TRERF1: variants seen among roughly 807,000 people sequenced by gnomAD.
The protein encoded by TRERF1 is transcriptional-regulating factor 1.
In TRERF1, 27 loss-of-function variants were observed where a neutral mutation model predicts 122.9. The ratio of observed to expected loss-of-function variants is 0.22; its 90% confidence interval spans 0.16 to 0.30. The LOEUF (loss-of-function observed/expected upper bound fraction) is 0.30, where lower values mean the gene tolerates loss of function less well. Ranked by LOEUF, TRERF1 falls within the 10% of genes least tolerant of loss-of-function variation. TRERF1 has a pLI of 1.00. For missense variants in TRERF1, 1,248 were observed against 1,560.3 expected, an observed-to-expected ratio of 0.80 and a Z score of 3.37; for synonymous variants, 636 against 641.7, an observed-to-expected ratio of 0.99 and a Z score of 0.13.
In TRERF1 at chr6:42,296,756, G is replaced by A. The variant is rs1785177431; in HGVS notation, c.-259+3882C>T. Among the ~76,000 whole-genome samples the A allele has an allele frequency of 2.0e-5, 3 of 152,292 alleles. 1 individual carries two copies. In the South Asian group the frequency reaches 6.2e-4, roughly 32 times the overall value. On this transcript the variant is annotated intron_variant, in intron 4 of 17. Transcript: ENST00000372922. ...AAAGAGGCAGAGGGAAGGGAAGAAG[G>A]TGAGAAGGAGAGAGTAGCATAAGGA...
At chr6:42,254,524 T>C (rs1014636645) in intron 13 of TRERF1, among the ~76,000 whole-genome samples, 2 of 152,200 alleles carry the variant, frequency 1.3e-5, no homozygotes, top group Admixed American at 6.5e-5. Flanking sequence ...TCTAAACCCA[T>C]GGCTACTGAT....
At chr6:42,380,485 C>T (rs1285236835) in intron 2 of TRERF1, among the ~76,000 whole-genome samples, 1 of 152,256 alleles carries the variant, frequency 6.6e-6, no homozygotes, top group Non-Finnish European at 1.5e-5. Flanking sequence ...AAACCCTTCC[C>T]TTCTCTGGAC....
chr6:42,344,958 C>T (rs987555676), intron 3 of TRERF1, among the ~76,000 whole-genome samples: 2 of 152,112 alleles, frequency 1.3e-5, no homozygotes, highest in African/African-American at 4.8e-5. Context: ...TCTTCAGCAC[C>T]CAGGACAGTG....
chr6:42,268,832 G>C lies in TRERF1; in HGVS notation c.759C>G (p.Ala253=). The change falls in exon 5 of 18, where the codon GCC becomes GCG. Residue 253 remains alanine, a synonymous_variant. Coordinates refer to ENST00000372922, the Ensembl canonical transcript of TRERF1. This position sits in a 1 kb window ranked among gnomAD's most constrained non-coding sequence, Gnocchi z 4.4. The stretch of plus-strand genomic sequence containing the variant: ...GCATGTGCTGTGACAGCATCTGTGG[G>C]GCCTGCAGTGGCTGTCCTCCCTGCA... The C allele has an allele frequency of 6.2e-7, 1 of 1,614,144 alleles. No individual in the cohort carries two copies. The highest frequency in any genetic ancestry group is 8.5e-7 in the Non-Finnish European group (1 of 1,180,016).
intron 2 of TRERF1, among the ~76,000 whole-genome samples, chr6:42,407,129 C>T (rs557523609): frequency 6.6e-5 from 10 of 152,280 alleles, no homozygotes; most frequent in South Asian, 6.2e-4. Flanking sequence ...AAGTGGCTGG[C>T]CTCCTTTCCT....
Position 42,366,271 on chromosome 6 carries a change from G to A in TRERF1, c.-453-3192C>T, listed in dbSNP as rs73430818. ...AATGAATCGTGTATTGACAATGCTT[G>A]CAACTGCCCGCTGCTCAACACAGTG... On this transcript the variant is annotated intron_variant, in intron 2 of 17. Coordinates refer to ENST00000372922, the Ensembl canonical transcript of TRERF1. Among the ~76,000 whole-genome samples the A allele has an allele frequency of 8.0e-3, 1,226 of 152,320 alleles. 21 individuals carry two copies. The highest frequency in any genetic ancestry group is 0.028 in the African/African-American group (1,154 of 41,558).
chr6:42,347,387 G>C (rs1768498216), intron 3 of TRERF1, among the ~76,000 whole-genome samples: 1 of 152,208 alleles, frequency 6.6e-6, no homozygotes, highest in African/African-American at 2.4e-5. Context: ...CACAATCTAT[G>C]CCTTCCAAGA....
At chr6:42,248,132 T>C (rs1775122781) in intron 13 of TRERF1, among the ~76,000 whole-genome samples, 1 of 152,138 alleles carries the variant, frequency 6.6e-6, no homozygotes, top group Admixed American at 6.5e-5. Flanking sequence ...GGGGCCTCCT[T>C]AGACCACAGG....
rs553910067 is a variant in TRERF1, at chr6:42,257,688, C to G, written c.2336+447G>C. Among the ~76,000 whole-genome samples the G allele has an allele frequency of 7.9e-5, 12 of 152,328 alleles. No individual in the cohort carries two copies. The Middle Eastern group carries it at 0.01, about 130-fold the overall frequency. ...ACCTGGCCTCTTTTCTGTGCCTATC[C>G]ATGAAAATAACCACCTTTGCCTCTC... On this transcript the variant is annotated intron_variant, in intron 10 of 17. Coordinates refer to ENST00000372922, the Ensembl canonical transcript of TRERF1.
intron 3 of TRERF1, among the ~76,000 whole-genome samples, chr6:42,305,001 C>T (rs944920577): frequency 6.6e-6 from 1 of 152,124 alleles, no homozygotes; most frequent in Non-Finnish European, 1.5e-5. Flanking sequence ...CTACTATATC[C>T]CAAAGGCCAA....
At chr6:42,423,821 T>C (rs928194584) in intron 2 of TRERF1, among the ~76,000 whole-genome samples, 4 of 152,204 alleles carry the variant, frequency 2.6e-5, no homozygotes, top group African/African-American at 9.7e-5. Context: ...TCATTGTACT[T>C]GGGGAGCTTG....
At chr6:42,432,659 T>C (rs556767011) in intron 2 of TRERF1, among the ~76,000 whole-genome samples, 6 of 152,240 alleles carry the variant, frequency 3.9e-5, no homozygotes, top group African/African-American at 1.4e-4. Flanking sequence ...CTGGCCAATA[T>C]GGTGAAACCC....
At chr6:42,311,088 T>C (rs1788148875) in intron 3 of TRERF1, among the ~76,000 whole-genome samples, 3 of 152,238 alleles carry the variant, frequency 2.0e-5, no homozygotes, top group Admixed American at 6.5e-5. Context: ...GGTACTCTTC[T>C]AGTGTTGGAA....
At chr6:42,274,210 T>G (rs1780750418) in intron 4 of TRERF1, among the ~76,000 whole-genome samples, 1 of 152,152 alleles carries the variant, frequency 6.6e-6, no homozygotes, top group South Asian at 2.1e-4. Context: ...CAGTCTGTGT[T>G]TTAATGAGCC....
chr6:42,281,706 G>A (rs541620462), intron 4 of TRERF1, among the ~76,000 whole-genome samples: 7 of 152,238 alleles, frequency 4.6e-5, no homozygotes, highest in Non-Finnish European at 7.3e-5. Flanking sequence ...GTGTGGAGGC[G>A]GGTCACAGAG....
chr6:42,425,363 C>A (rs1037386534), intron 2 of TRERF1, among the ~76,000 whole-genome samples: 1 of 149,844 alleles, frequency 6.7e-6, no homozygotes, highest in African/African-American at 2.5e-5. Flanking sequence ...CCCCAACCAA[C>A]CCCCTACATT....
chr6:42,258,051 G>A, intron 10 of TRERF1, 84 bp downstream of exon 10: 1 of 1,199,988 alleles, frequency 8.3e-7, no homozygotes, highest in Non-Finnish European at 1.2e-6. Context: ...CTCTCTCAGT[G>A]TAATCCTCTG....
intron 14 of TRERF1, among the ~76,000 whole-genome samples, chr6:42,244,777 G>A (rs1774442774): frequency 6.6e-6 from 1 of 152,220 alleles, no homozygotes. Flanking sequence ...AAGTTATGAT[G>A]ACAGAGCTTA....
chr6:42,263,408 G>A lies in TRERF1; in HGVS notation c.1796C>T (p.Ser599Phe), dbSNP rs142736888. 44 of 1,612,596 alleles carry A rather than the reference G, an allele frequency of 2.7e-5. No homozygotes were observed. In the African/African-American group the frequency reaches 4.1e-4, roughly 15 times the overall value. Residue 599 changes from serine (S) to phenylalanine (F), a missense_variant, in exon 8 of 18, where the codon TCT becomes TTT. By Grantham distance (155) the Ser-to-Phe change is radical (BLOSUM62 -2). This residue lies in a region of TRERF1 where 946 missense variants were observed against 1,073.0 expected (regional missense o/e 0.88). Coordinates refer to ENST00000372922, the Ensembl canonical transcript of TRERF1. The surrounding 1 kb of genome is among the most constrained non-coding windows in gnomAD (Gnocchi z 5.6). ...AACGGTGCTGTTGGTGAACCCCTGAGAGCTGGGCTTGGGCGGGAGAAGCTT... is the reference window on the plus strand; with the variant it reads ...AACGGTGCTGTTGGTGAACCCCTGAAAGCTGGGCTTGGGCGGGAGAAGCTT...
Sources: allele counts gnomAD v4.1 joint callset (sites outside exome capture counted in the v4.1 genomes callset), GRCh38; gene constraint gnomAD v4.1.1; regional missense constraint gnomAD v4.1.1; non-coding constraint Gnocchi (gnomAD v3.1); transcripts MANE v1.5; gene names NCBI Gene and HGNC (gene_info 2026-07-23, HGNC 2026-07-21).